Variants in GSTM4 observed in about 807,000 individuals in gnomAD.
GSTM4 encodes the protein glutathione S-transferase mu 4, also known as GST class-mu 4.
A neutral mutation model predicts 30.1 loss-of-function variants in GSTM4; 27 were observed. That is an observed-to-expected ratio of 0.90 (90% confidence interval 0.66 to 1.24). The LOEUF is 1.24. Among genes scored for constraint, GSTM4 ranks in the 50% most tolerant of loss-of-function variants. The pLI is 0.00. For missense variants in GSTM4, 238 were observed against 272.1 expected, an observed-to-expected ratio of 0.87 and a Z score of 0.88; for synonymous variants, 94 against 96.2, an observed-to-expected ratio of 0.98 and a Z score of 0.13.
chr1:109,661,857 AAG>A (rs1557954880), downstream of GSTM4: 1 of 275,530 alleles, frequency 3.6e-6, no homozygotes, highest in Admixed American at 6.0e-5. Context: ...TTTTTGAAAT[AAG>A]GTCTCCTGCT....
chr1:109,662,296 G>A (rs627365), downstream of GSTM4, among the ~76,000 whole-genome samples: 14,130 of 152,224 alleles, frequency 0.093, 887 homozygotes, highest in Non-Finnish European at 0.14. Context: ...CAGTGAGTAC[G>A]TCTTAGATGC....
chr1:109,661,183 G>A lies in GSTM4; in HGVS notation c.586G>A (p.Ala196Thr). Residue 196 changes from alanine to threonine, a missense_variant, in exon 8 of 8, where the codon GCC (alanine) becomes ACC (threonine). By Grantham distance (58) the Ala-to-Thr change is moderately conservative. Coordinates refer to ENST00000369836, the MANE Select transcript of GSTM4 (RefSeq NM_000850.5). ...CTCTCAGGGCTTGGAGAAGATCTCT[G>A]CCTACATGAAGTCCAGCCGCTTCCT... is the stretch of plus-strand genomic sequence containing the variant. Reference protein sequence around the residue: ...SRFEGLEKISAYMKSSRFLPK... With the variant: ...SRFEGLEKISTYMKSSRFLPK... The A allele has an allele frequency of 6.2e-7, 1 of 1,612,330 alleles. No homozygotes were observed. Among genetic ancestry groups the A allele is most frequent in the South Asian group, 1.1e-5 (1 of 91,084 alleles).
chr1:109,664,124 A>G (rs1647215621), downstream of GSTM4, among the ~76,000 whole-genome samples: 1 of 152,076 alleles, frequency 6.6e-6, no homozygotes, highest in Non-Finnish European at 1.5e-5. Flanking sequence ...CTTCCTGTGG[A>G]TAAATTATAG....
chr1:109,665,640 C>T (rs1270569237), downstream of GSTM4: 1 of 152,230 alleles, frequency 6.6e-6, no homozygotes, highest in Non-Finnish European at 1.5e-5. Flanking sequence ...AAATCAAACA[C>T]AAGATAAAAC....
At position 109,661,131 on chromosome 1, in the gene GSTM4, C is replaced by T. The variant is rs1341159106; in HGVS notation, c.568-34C>T. 3 of 1,611,300 alleles carry T rather than the reference C, an allele frequency of 1.9e-6. No individual in the cohort carries two copies. In the Admixed American group the frequency reaches 5.0e-5, roughly 27 times the overall value. ...TGTCCCAGCCCTCATGGGCAGCTGA[C>T]CTTGAGTTCTGGCCTTATTTTCCCC... On this transcript the variant is annotated intron_variant, in intron 7 of 7. Coordinates refer to ENST00000369836, the MANE Select transcript of GSTM4 (RefSeq NM_000850.5).
At chr1:109,665,998 G>A (rs917124743), downstream of GSTM4, among the ~76,000 whole-genome samples, 4 of 152,180 alleles carry the variant, frequency 2.6e-5, no homozygotes, top group African/African-American at 9.7e-5. Context: ...TTAAATGCAG[G>A]AAGAGTCCAG....
At chr1:109,662,141 T>G (rs779880985), downstream of GSTM4, among the ~76,000 whole-genome samples, 31 of 152,258 alleles carry the variant, frequency 2.0e-4, no homozygotes, top group Non-Finnish European at 3.8e-4. Context: ...TTCCAACTTC[T>G]TGATCTCTTT....
At chr1:109,660,366 G>C (rs911623357) in intron 7 of GSTM4, 3 of 153,754 alleles carry the variant, frequency 2.0e-5, no homozygotes, top group African/African-American at 7.2e-5. Context: ...GAGCACACCT[G>C]AGTGTCATAC....
At chr1:109,659,396 T>C (rs1652196583) in intron 7 of GSTM4, 1 of 1,445,906 alleles carries the variant, frequency 6.9e-7, no homozygotes, top group South Asian at 1.5e-5. Context: ...TGTGCTGGGC[T>C]CCCTGTGAGC....
downstream of GSTM4, among the ~76,000 whole-genome samples, chr1:109,662,761 C>G (rs182499138): frequency 3.3e-5 from 5 of 152,312 alleles, no homozygotes; most frequent in East Asian, 9.6e-4. Context: ...GTGATTTATG[C>G]AGTAACTGGA....
intron 7 of GSTM4, 33 bp downstream of exon 7, chr1:109,659,143 C>G (rs1652180272): frequency 6.2e-7 from 1 of 1,614,188 alleles, no homozygotes; most frequent in Non-Finnish European, 8.5e-7. Context: ...TCTTTGATGC[C>G]CCTTGTTCCG....
intron 2 of GSTM4, 77 bp from the exon 3 acceptor site, chr1:109,657,138 G>C (rs1351664861): frequency 6.7e-7 from 1 of 1,494,740 alleles, no homozygotes; most frequent in African/African-American, 1.4e-5. Flanking sequence ...TCTTGCCACT[G>C]GTTCCTTGGG....
chr1:109,658,195 G>A (rs1293079718), intron 5 of GSTM4: 7 of 380,314 alleles, frequency 1.8e-5, no homozygotes, highest in South Asian at 1.1e-4. Context: ...CGGGGAATAC[G>A]CAGACTCACA....
rs539431501 is a variant in GSTM4 at position 109,656,778 on chromosome 1, A to C, written c.103A>C (p.Met35Leu). 6.2e-6 allele frequency: 10 copies of C among 1,613,666 alleles called. No individual in the cohort carries two copies. Among genetic ancestry groups the C allele is most frequent in the African/African-American group, 1.3e-5 (1 of 74,994 alleles). ...DSSYEEKKYT[M>L]GDAPDYDRSQ... ...AAGCTACGAGGAAAAGAAGTATACGATGGGGGACGGTAATGACACCCTTGT... is the reference window on the plus strand; with the variant it reads ...AAGCTACGAGGAAAAGAAGTATACGCTGGGGGACGGTAATGACACCCTTGT... The change falls in exon 2 of 8, where the codon ATG becomes CTG. Residue 35 changes from methionine (M) to leucine (L), a missense_variant. Met to Leu is a conservative substitution (Grantham distance 15). Transcript: ENST00000369836.
At chr1:109,658,595 A>G in intron 5 of GSTM4, 1 of 574,166 alleles carries the variant, frequency 1.7e-6, no homozygotes, top group South Asian at 2.1e-5. Context: ...AGATTCAGGG[A>G]TAGTGTTGCA....
At chr1:109,664,340 G>GATTTTTTT (rs1557955647), downstream of GSTM4, among the ~76,000 whole-genome samples, 1 of 28,608 alleles carries the variant, frequency 3.5e-5, no homozygotes. Flanking sequence ...AGAGAGAATA[G>GATTTTTTT]CTTTTTTTTT....
chr1:109,656,610 G>T lies in GSTM4; in HGVS notation c.37-102G>T, dbSNP rs1652007669. 1.6e-5 allele frequency: 12 copies of T among 746,966 alleles called. No homozygotes were observed. The South Asian group carries it at 1.7e-4, about 10-fold the overall frequency. The allele number at this position is 746,966 out of a possible 1,614,324, so 46.3% of individuals were successfully genotyped here. A position where few individuals can be genotyped will look rare whatever the true frequency, so the allele number is the denominator to read the frequency against. ...TGTGTGCGTGCGCCGGGGTGGGGGG[G>T]GGGTGCAGTGCAGTGTAGACTAGGG... On this transcript the variant is annotated intron_variant, in intron 1 of 7. Coordinates refer to ENST00000369836, the MANE Select transcript of GSTM4 (RefSeq NM_000850.5).
chr1:109,659,777 T>G (rs1652222753), intron 7 of GSTM4: 17 of 543,838 alleles, frequency 3.1e-5, no homozygotes, highest in South Asian at 2.4e-4. Flanking sequence ...TTTCCTCTCT[T>G]TTTTCCCTCC....
intron 5 of GSTM4, 105 bp downstream of exon 5, chr1:109,657,977 C>CTGT (rs1652114031): frequency 2.1e-6 from 2 of 933,068 alleles, no homozygotes; most frequent in Admixed American, 4.0e-5. Flanking sequence ...TCTGAGGGTT[C>CTGT]CCTGTACTGT....
Sources: allele counts gnomAD v4.1 joint callset (sites outside exome capture counted in the v4.1 genomes callset), GRCh38; gene constraint gnomAD v4.1.1; transcripts MANE v1.5; gene names NCBI Gene and HGNC (gene_info 2026-07-23, HGNC 2026-07-21).